INAVA: variants seen among roughly 807,000 people sequenced by gnomAD.
The protein encoded by INAVA is innate immunity activator, also known as innate immunity activator protein.
A neutral mutation model predicts 55.3 loss-of-function variants in INAVA; 32 were observed. The observed-to-expected ratio is 0.58, with a 90% CI of 0.44 to 0.78. INAVA has a LOEUF of 0.78. Among genes scored for constraint, INAVA ranks in the 30% least tolerant of loss-of-function variants. The probability of loss-of-function intolerance (pLI) is 0.00; values close to 1 mark genes in which losing one functional copy is unlikely to be tolerated. For synonymous variants in INAVA, 294 were observed against 329.4 expected, an observed-to-expected ratio of 0.89 and a Z score of 1.16; for missense variants, 756 against 786.4, an observed-to-expected ratio of 0.96 and a Z score of 0.46.
chr1:200,897,549 A>T (rs1373168020), intron 1 of INAVA, among the ~76,000 whole-genome samples: 1 of 152,158 alleles, frequency 6.6e-6, no homozygotes, highest in Admixed American at 6.5e-5. Flanking sequence ...GTCCTCAGCC[A>T]CTGGGGCGTA....
chr1:200,901,384 C>T lies in INAVA; in HGVS notation c.520+225C>T, dbSNP rs970440920. Reference sequence around the variant, plus strand: ...TAGAAAACACCCTACTCTCTCCTTCCGTATCCTCCTCAAAATACACTACCT... The same window carrying T: ...TAGAAAACACCCTACTCTCTCCTTCTGTATCCTCCTCAAAATACACTACCT... On this transcript the variant is annotated intron_variant, in intron 5 of 9. Transcript: ENST00000413687. 5.9e-5 allele frequency among the ~76,000 whole-genome samples: 9 copies of T among 152,212 alleles called. No homozygotes were observed. The South Asian group carries it at 6.2e-4, about 11-fold the overall frequency.
upstream of INAVA, chr1:200,891,675 G>A: frequency 2.0e-6 from 3 of 1,485,072 alleles, no homozygotes; most frequent in Admixed American, 2.5e-5. Flanking sequence ...AGGGGCAGGC[G>A]GGCGGCGCCA....
intron 5 of INAVA, among the ~76,000 whole-genome samples, chr1:200,904,945 T>C (rs1653420638): frequency 1.3e-5 from 2 of 152,162 alleles, no homozygotes; most frequent in Non-Finnish European, 2.9e-5. Flanking sequence ...GGGATCTTGC[T>C]ATATTGCCCA....
intron 5 of INAVA, 148 bp from the exon 6 acceptor site, chr1:200,907,686 G>A: frequency 1.8e-6 from 1 of 542,146 alleles, no homozygotes; most frequent in South Asian, 3.2e-5. Flanking sequence ...CACTCCCAAT[G>A]TGTATTTAGC....
At chr1:200,895,754 G>C (rs1276479540) in intron 1 of INAVA, among the ~76,000 whole-genome samples, 2 of 152,150 alleles carry the variant, frequency 1.3e-5, no homozygotes, top group Non-Finnish European at 2.9e-5. Flanking sequence ...CATTGACCAA[G>C]AGGTCGAGAT....
At chr1:200,909,765 T>C (rs535626665) in intron 8 of INAVA, among the ~76,000 whole-genome samples, 13 of 152,340 alleles carry the variant, frequency 8.5e-5, no homozygotes, top group African/African-American at 3.1e-4. Flanking sequence ...GGTAGTTATG[T>C]TCTATAAAGT....
At chr1:200,913,301 G>C (rs906104759) in intron 9 of INAVA, among the ~76,000 whole-genome samples, 3 of 152,220 alleles carry the variant, frequency 2.0e-5, no homozygotes, top group African/African-American at 7.2e-5. Context: ...GGTGGGGGAG[G>C]AGGAGGTCAG....
At chr1:200,896,997 C>T (rs1332948526) in intron 1 of INAVA, among the ~76,000 whole-genome samples, 1 of 152,248 alleles carries the variant, frequency 6.6e-6, no homozygotes, top group Non-Finnish European at 1.5e-5. Flanking sequence ...GCATGGGCTC[C>T]GCCCACCCCT....
chr1:200,897,286 C>G (rs760459598), intron 1 of INAVA, among the ~76,000 whole-genome samples: 1 of 152,252 alleles, frequency 6.6e-6, no homozygotes, highest in African/African-American at 2.4e-5. Context: ...CTGATAGACA[C>G]AGCCCTGGGT....
At chr1:200,891,733 G>A (rs1259147174), upstream of INAVA, 2 of 1,409,348 alleles carry the variant, frequency 1.4e-6, no homozygotes, top group Non-Finnish European at 9.3e-7. Context: ...CACCCAGTGC[G>A]GGTGAACTGG....
At chr1:200,892,640 A>G (rs1668259544), upstream of INAVA, among the ~76,000 whole-genome samples, 1 of 152,208 alleles carries the variant, frequency 6.6e-6, no homozygotes, top group Non-Finnish European at 1.5e-5. Context: ...GGGCTGGGGC[A>G]TCAGTCCCCT....
At position 200,895,232 on chromosome 1, in the gene INAVA, C is replaced by T. The variant is rs533835441; in HGVS notation, c.-95+145C>T. On this transcript the variant is annotated intron_variant, in intron 1 of 9. Transcript: ENST00000413687. ...GGTGTGTAGGGATGACAGAGGGGTGCTGGTGGGCTTGGACGGGAGCCTGTT... is the reference window on the plus strand; with the variant it reads ...GGTGTGTAGGGATGACAGAGGGGTGTTGGTGGGCTTGGACGGGAGCCTGTT... 7.3e-4 allele frequency: 474 copies of T among 653,242 alleles called. 5 individuals carry two copies. The Middle Eastern group carries it at 9.1e-3, about 13-fold the overall frequency. 40.5% of individuals were successfully genotyped at this position (653,242 alleles called of 1,614,324 possible).
At chr1:200,897,098 G>A (rs1668370175) in intron 1 of INAVA, among the ~76,000 whole-genome samples, 1 of 152,230 alleles carries the variant, frequency 6.6e-6, no homozygotes, top group African/African-American at 2.4e-5. Flanking sequence ...GAGGGGGTGG[G>A]CACAGGTGTT....
intron 1 of INAVA, among the ~76,000 whole-genome samples, chr1:200,896,498 C>T (rs1668355010): frequency 6.6e-6 from 1 of 152,074 alleles, no homozygotes; most frequent in South Asian, 2.1e-4. Context: ...GAATATATGG[C>T]CAATCTTTCA....
chr1:200,900,706 G>T (rs1473798582), intron 4 of INAVA, among the ~76,000 whole-genome samples: 1 of 152,220 alleles, frequency 6.6e-6, no homozygotes, highest in Non-Finnish European at 1.5e-5. Flanking sequence ...CAGCAGGTGG[G>T]CTGGTGGGTG....
chr1:200,893,673 A>G (rs1668279302), upstream of INAVA, among the ~76,000 whole-genome samples: 1 of 152,130 alleles, frequency 6.6e-6, no homozygotes, highest in Non-Finnish European at 1.5e-5. Flanking sequence ...GTCAGCCTGG[A>G]GCACTCTGGG....
intron 6 of INAVA, 71 bp from the exon 7 acceptor site, chr1:200,908,659 G>A: frequency 7.4e-7 from 1 of 1,349,674 alleles, no homozygotes; most frequent in East Asian, 2.4e-5. Context: ...CATGGGCTGT[G>A]GTTTGTGGAG....
Position 200,911,726 on chromosome 1 carries a change from C to A in INAVA, c.1233C>A (p.Val411=). ...CCCATCGTCACCGCGGGGCCTGGGT[C>A]CCAGCCGGCAGCAGAGAGCTGGTCG... ...PKTHRHRGAW[V]PAGSRELVAH... is the part of the protein sequence containing the mutation. The change falls in exon 9 of 10, where the codon GTC becomes GTA. Residue 411 remains valine, a synonymous_variant. Transcript: ENST00000413687. 3 of 1,612,796 alleles carry A rather than the reference C, an allele frequency of 1.9e-6. No homozygotes were observed. Among genetic ancestry groups the A allele is most frequent in the Non-Finnish European group, 2.5e-6 (3 of 1,179,122 alleles).
intron 1 of INAVA, among the ~76,000 whole-genome samples, chr1:200,896,175 C>T (rs895497340): frequency 6.6e-6 from 1 of 152,160 alleles, no homozygotes; most frequent in African/African-American, 2.4e-5. Context: ...CTTTCCAAGG[C>T]AACTACTTAG....
Sources: gnomAD v4.1 joint callset for allele counts (sites outside exome capture counted in the v4.1 genomes callset) on GRCh38, gnomAD v4.1.1 for gene constraint, MANE v1.5 for transcripts, NCBI Gene and HGNC (gene_info 2026-07-23, HGNC 2026-07-21) for gene names.